Variants in ASPM observed in about 807,000 individuals in gnomAD.
ASPM encodes the protein assembly factor for spindle microtubules.
ASPM carries 256 observed loss-of-function variants against 366.4 expected under a neutral mutation model. That is an observed-to-expected ratio of 0.70 (90% CI 0.63 to 0.77). ASPM has a LOEUF of 0.77. Ranked by LOEUF, ASPM falls within the 30% of genes least tolerant of loss-of-function variation. ASPM has a pLI of 0.00. For synonymous variants in ASPM, 1,414 were observed against 1,342.9 expected, an observed-to-expected ratio of 1.05 and a Z score of -1.16; for missense variants, 4,146 against 4,090.4, an observed-to-expected ratio of 1.01 and a Z score of -0.37.
At chr1:197,130,082 A>G (rs1658215248) in intron 7 of ASPM, 26 bp from the exon 8 acceptor site, 2 of 1,608,348 alleles carry the variant, frequency 1.2e-6, no homozygotes, top group African/African-American at 2.7e-5. Flanking sequence ...AGCCAAAGTC[A>G]GAATTATGCT....
intron 4 of ASPM, chr1:197,138,749 T>G (rs867721748): frequency 8.4e-6 from 6 of 717,112 alleles, no homozygotes; most frequent in South Asian, 5.7e-5. Context: ...GAGAAACGAT[T>G]ATTTCTTACG....
Position 197,102,280 on chromosome 1 carries a change from C to T in ASPM, c.6971G>A (p.Arg2324Lys). ...AVIKIQSSYR[R>K]WMIRKRMREM... The stretch of plus-strand genomic sequence containing the variant: ...TCGCATCCTTTTCCTTATCATCCAT[C>T]TTCTGTATGATGACTGGATTTTAAT... The change falls in exon 18 of 28, where the codon AGA becomes AAA. Residue 2324 changes from arginine to lysine, a missense_variant. Coordinates refer to ENST00000367409, the MANE Select transcript of ASPM (RefSeq NM_018136.5). 6.2e-7 allele frequency: 1 copy of T among 1,612,834 alleles called. No homozygotes were observed. The highest frequency in any genetic ancestry group is 1.1e-5 in the South Asian group (1 of 91,060).
intron 22 of ASPM, 83 bp downstream of exon 22, chr1:197,091,824 C>T (rs1656792568): frequency 1.4e-6 from 2 of 1,410,430 alleles, no homozygotes; most frequent in African/African-American, 2.9e-5. Context: ...TAGCATAAAG[C>T]ATTTGGAAAT....
chr1:197,104,045 G>C lies in ASPM; in HGVS notation c.5206C>G (p.Gln1736Glu), dbSNP rs62623455. 1.5e-3 allele frequency: 2,342 copies of C among 1,612,766 alleles called. 26 individuals are homozygous for C. The African/African-American group carries it at 0.026, about 18-fold the overall frequency. ...ACAAGGTATCCTCTAACAAATGCTT[G>C]CAGTTTGATACAAGATTCCCGCATC... ...MQMRESCIKL[Q>E]AFVRGYLVRK... Residue 1736 changes from glutamine to glutamate, a missense_variant, in exon 18 of 28, where the codon CAA (glutamine) becomes GAA (glutamate). Physicochemically the swap from Gln to Glu is conservative, Grantham distance 29. Around this residue, in one of 3 missense-constraint regions of ASPM, gnomAD observed 3,624 missense variants for 3,591.7 expected, o/e 1.01. Coordinates refer to ENST00000367409, the MANE Select transcript of ASPM (RefSeq NM_018136.5).
At position 197,143,721 on chromosome 1, in the gene ASPM, T is replaced by C; in HGVS notation, c.531A>G (p.Lys177=). The C allele has an allele frequency of 2.5e-6, 4 of 1,613,808 alleles. No individual in the cohort carries two copies. Among genetic ancestry groups the C allele is most frequent in the Non-Finnish European group, 3.4e-6 (4 of 1,179,848 alleles). ...CAACTTTTTGGGAAACACTAAATGT[T>C]TTATTAACATTCTGAATATTTGAAA... The part of the protein sequence containing the change: ...RRVSNIQNVN[K]TFSVSQKVDR... The change falls in exon 3 of 28, where the codon AAA becomes AAG. Residue 177 remains lysine (K), a synonymous_variant. Coordinates refer to ENST00000367409, the MANE Select transcript of ASPM (RefSeq NM_018136.5).
intron 18 of ASPM, among the ~76,000 whole-genome samples, chr1:197,098,312 TC>T (rs1657045829): frequency 6.6e-6 from 1 of 151,432 alleles, no homozygotes; most frequent in South Asian, 2.1e-4. Context: ...TTGAAACAAA[TC>T]CCACGCTTGT....
intron 17 of ASPM, among the ~76,000 whole-genome samples, chr1:197,115,574 T>G (rs1209848826): frequency 2.0e-5 from 3 of 152,202 alleles, no homozygotes; most frequent in Non-Finnish European, 2.9e-5. Context: ...AATGTGTTTC[T>G]TAAATAATAC....
At chr1:197,113,214 T>C (rs1382909215) in intron 17 of ASPM, among the ~76,000 whole-genome samples, 1 of 152,094 alleles carries the variant, frequency 6.6e-6, no homozygotes, top group African/African-American at 2.4e-5. Context: ...GACTGCTTGA[T>C]GAGCGCAAGT....
In ASPM at chr1:197,086,042, A is replaced by G. The variant is rs189865004; in HGVS notation, c.10331+761T>C. On this transcript the variant is annotated intron_variant, in intron 27 of 27. Transcript: ENST00000367409. ...GAAATGGTCCCATTAATATATTTCA[A>G]GCAAATGAACTTTACATTATGCTGT... Among the ~76,000 whole-genome samples the G allele has an allele frequency of 2.1e-3, 317 of 152,316 alleles. 3 individuals are homozygous for G. Among genetic ancestry groups the G allele is most frequent in the African/African-American group, 7.1e-3 (294 of 41,594 alleles).
At chr1:197,091,356 G>A (rs918017369) in intron 22 of ASPM, among the ~76,000 whole-genome samples, 17 of 151,668 alleles carry the variant, frequency 1.1e-4, no homozygotes, top group African/African-American at 4.1e-4. Context: ...TACTTTATAT[G>A]TAAATGTATG....
At position 197,122,290 on chromosome 1, in the gene ASPM, C is replaced by T; in HGVS notation, c.3610G>A (p.Glu1204Lys). The T allele has an allele frequency of 6.2e-7, 1 of 1,613,684 alleles. No individual in the cohort carries two copies. The highest frequency in any genetic ancestry group is 1.7e-4 in the Middle Eastern group (1 of 6,056). ...LKAFDHENTS[E>K]LYKELLENEK... ...TTTTCTAGGAGCTCTTTGTATAGCT[C>T]TGAAGTATTTTCTATTATGCAGGAG... The change falls in exon 15 of 28, where the codon GAG (glutamate) becomes AAG (lysine). Residue 1204 changes from glutamate to lysine, a missense_variant. Transcript: ENST00000367409.
intron 8 of ASPM, 55 bp from the exon 9 acceptor site, chr1:197,129,372 T>C (rs1571620094): frequency 1.3e-6 from 2 of 1,555,600 alleles, no homozygotes; most frequent in Non-Finnish European, 1.8e-6. Flanking sequence ...GTAGGTTTCA[T>C]CTTAAAATAT....
At position 197,093,171 on chromosome 1, in the gene ASPM, T is replaced by C. The variant is rs765000450; in HGVS notation, c.9175A>G (p.Ile3059Val). The C allele has an allele frequency of 1.2e-6, 2 of 1,612,724 alleles. No homozygotes were observed. Among genetic ancestry groups the C allele is most frequent in the Admixed American group, 1.7e-5 (1 of 59,876 alleles). The change falls in exon 21 of 28, where the codon ATA (isoleucine) becomes GTA (valine). Residue 3059 changes from isoleucine (I) to valine (V), a missense_variant. Physicochemically the swap from Ile to Val is conservative, Grantham distance 29. Coordinates refer to ENST00000367409, the MANE Select transcript of ASPM (RefSeq NM_018136.5). ...TCCCTGGCTCGTATATATTTTTGTATGATCAAAGCAGCAGATTTCTGCCGA... is the reference window on the plus strand; with the variant it reads ...TCCCTGGCTCGTATATATTTTTGTACGATCAAAGCAGCAGATTTCTGCCGA... ...FLRQKSAALI[I>V]QKYIRAREAG...
rs113595744 is a variant in ASPM, at chr1:197,100,468, T to G, written c.8783A>C (p.Lys2928Thr). 2 of 1,574,180 alleles carry G rather than the reference T, an allele frequency of 1.3e-6. No individual in the cohort carries two copies. The highest frequency in any genetic ancestry group is 3.7e-5 in the Admixed American group (2 of 54,176). Reference protein sequence around the residue: ...ARSKGFIQKRKFQEIKNSTIK... With the variant: ...ARSKGFIQKRTFQEIKNSTIK... ...GGTGCTATTTTTAATTTCCTGAAAC[T>G]TCCGTTTCTGTATAAATCCTTTACT... is the stretch of plus-strand genomic sequence containing the variant. The change falls in exon 18 of 28, where the codon AAG (lysine) becomes ACG (threonine). Residue 2928 changes from lysine to threonine, a missense_variant. Lys to Thr is a moderately conservative substitution (Grantham distance 78). This residue lies in a region of ASPM where 3,624 missense variants were observed against 3,591.7 expected (regional missense o/e 1.01). Coordinates refer to ENST00000367409, the MANE Select transcript of ASPM (RefSeq NM_018136.5).
rs2125093506 is a variant in ASPM at position 197,100,824 on chromosome 1, T to C, written c.8427A>G (p.Ala2809=). 6.2e-7 allele frequency: 1 copy of C among 1,612,658 alleles called. No individual in the cohort carries two copies. Among genetic ancestry groups the C allele is most frequent in the Non-Finnish European group, 8.5e-7 (1 of 1,179,128 alleles). The change falls in exon 18 of 28, where the codon GCA becomes GCG. Residue 2809 remains alanine, a synonymous_variant. Coordinates refer to ENST00000367409, the MANE Select transcript of ASPM (RefSeq NM_018136.5). ...KASGLACSQE[A]EYHSQSRAAV... ...CAGCCCTACTTTGAGAATGATACTC[T>C]GCTTCCTGTGAACAAGCAAGGCCAG...
At position 197,145,845 on chromosome 1, in the gene ASPM, AAT is replaced by A. The variant is rs71131744; in HGVS notation, c.297+294_297+295del. On this transcript the variant is annotated intron_variant, in intron 1 of 27. Coordinates refer to ENST00000367409, the MANE Select transcript of ASPM (RefSeq NM_018136.5). ...CGTCTATCCTAGCCTTCAATTAGAGAATATATATATATATATATATATAATAT... is the reference window on the plus strand; with the variant it reads ...CGTCTATCCTAGCCTTCAATTAGAGAATATATATATATATATATATAATAT... Among the ~76,000 whole-genome samples the A allele has an allele frequency of 0.099, 14,560 of 147,598 alleles. 2,336 individuals are homozygous for A. The highest frequency in any genetic ancestry group is 0.35 in the African/African-American group (13,521 of 39,162).
chr1:197,114,714 T>C (rs1657691896), intron 17 of ASPM, among the ~76,000 whole-genome samples: 1 of 152,102 alleles, frequency 6.6e-6, no homozygotes, highest in African/African-American at 2.4e-5. Context: ...GCTGGGACTA[T>C]GGATGTGTGC....
intron 3 of ASPM, among the ~76,000 whole-genome samples, chr1:197,141,728 G>A (rs1658589974): frequency 6.6e-6 from 1 of 152,026 alleles, no homozygotes; most frequent in Non-Finnish European, 1.5e-5. Flanking sequence ...CGCAACTTGA[G>A]GACAGGAATT....
intron 6 of ASPM, among the ~76,000 whole-genome samples, chr1:197,133,019 C>G (rs548186673): frequency 6.6e-6 from 1 of 151,958 alleles, no homozygotes; most frequent in Admixed American, 6.5e-5. Context: ...GTCTCAGTTA[C>G]GCAGGATGAA....
Sources: allele counts gnomAD v4.1 joint callset (sites outside exome capture counted in the v4.1 genomes callset), GRCh38; gene constraint gnomAD v4.1.1; regional missense constraint gnomAD v4.1.1; transcripts MANE v1.5; gene names NCBI Gene and HGNC (gene_info 2026-07-23, HGNC 2026-07-21).